TTC28: variants seen among roughly 807,000 people sequenced by gnomAD.
The protein encoded by TTC28 is tetratricopeptide repeat domain 28, also known as tetratricopeptide repeat protein 28.
Under a neutral mutation model 198.0 loss-of-function variants are expected in TTC28, and 61 were observed. That is an observed-to-expected ratio of 0.31 (90% CI 0.25 to 0.38). The LOEUF (loss-of-function observed/expected upper bound fraction) is 0.38. TTC28 is among the 10% of genes least tolerant of loss of function. The pLI, the probability that TTC28 is intolerant of heterozygous loss-of-function variation, is 1.00. For synonymous variants in TTC28, 1,171 were observed against 1,297.8 expected (o/e 0.90, Z 2.10); for missense variants, 2,678 against 3,164.0 (o/e 0.85, Z 3.69).
intron 5 of TTC28, among the ~76,000 whole-genome samples, chr22:28,167,927 A>G (rs1378717826): frequency 6.6e-6 from 1 of 152,218 alleles, no homozygotes; most frequent in African/African-American, 2.4e-5. Context: ...AAACCCCATC[A>G]TCTCAGCCTC....
intron 2 of TTC28, among the ~76,000 whole-genome samples, chr22:28,354,225 A>G (rs768867237): frequency 7.9e-5 from 12 of 152,208 alleles, no homozygotes; most frequent in Admixed American, 1.3e-4. Flanking sequence ...TAGTTATCCA[A>G]CAGTGTTCAT....
chr22:28,014,436 A>C, intron 13 of TTC28, 44 bp from the exon 14 acceptor site: 1 of 1,511,164 alleles, frequency 6.6e-7, no homozygotes, highest in Non-Finnish European at 8.9e-7. Context: ...CCACTCAGAC[A>C]GGCAAAGACT....
chr22:27,984,155 T>TC, intron 22 of TTC28, among the ~76,000 whole-genome samples: 1 of 152,128 alleles, frequency 6.6e-6, no homozygotes, highest in African/African-American at 2.4e-5. Context: ...GTATCCGCCT[T>TC]CCTCTGAGCA....
chr22:28,463,366 G>T (rs2047975359), intron 2 of TTC28, among the ~76,000 whole-genome samples: 1 of 152,056 alleles, frequency 6.6e-6, no homozygotes, highest in Non-Finnish European at 1.5e-5. Context: ...GATTCCTCAG[G>T]TATCTAGAGC....
intron 1 of TTC28, among the ~76,000 whole-genome samples, chr22:28,639,847 A>G (rs548524100): frequency 6.6e-6 from 1 of 152,328 alleles, no homozygotes; most frequent in African/African-American, 2.4e-5. Flanking sequence ...AACAAAATAG[A>G]TGATAAGAGA....
chr22:28,357,923 G>T (rs2046103300), intron 2 of TTC28, among the ~76,000 whole-genome samples: 1 of 152,158 alleles, frequency 6.6e-6, no homozygotes, highest in Admixed American at 6.5e-5. Context: ...CAAAATGCCA[G>T]ATAGATAGTA....
intron 17 of TTC28, chr22:27,994,669 C>T (rs900800363): frequency 6.6e-6 from 1 of 152,270 alleles, no homozygotes; most frequent in Non-Finnish European, 1.5e-5. Flanking sequence ...GGCTGGGGAA[C>T]TTGACCCATG....
chr22:28,186,860 C>T (rs527534372), intron 5 of TTC28, among the ~76,000 whole-genome samples: 1 of 152,212 alleles, frequency 6.6e-6, no homozygotes, highest in East Asian at 1.9e-4. Flanking sequence ...TGCCCCACTC[C>T]AGATGGGAGT....
intron 5 of TTC28, among the ~76,000 whole-genome samples, chr22:28,278,559 G>T (rs2044517196): frequency 6.6e-6 from 1 of 152,154 alleles, no homozygotes. Context: ...AAATGAGAGG[G>T]TTAGCCCTGG....
intron 16 of TTC28, among the ~76,000 whole-genome samples, chr22:27,996,762 C>T (rs569751716): frequency 3.3e-5 from 5 of 151,948 alleles, no homozygotes; most frequent in East Asian, 3.9e-4. Context: ...CACTCCCTTC[C>T]GAAACAGGGC....
At chr22:28,106,350 C>G (rs1942301884) in intron 7 of TTC28, among the ~76,000 whole-genome samples, 1 of 152,170 alleles carries the variant, frequency 6.6e-6, no homozygotes, top group Admixed American at 6.5e-5. Context: ...CCTTGACCAA[C>G]AGTGTGTCTT....
At chr22:28,428,801 G>T (rs1055784786) in intron 2 of TTC28, among the ~76,000 whole-genome samples, 1 of 151,702 alleles carries the variant, frequency 6.6e-6, no homozygotes, top group Non-Finnish European at 1.5e-5. Context: ...ACCACGCCCG[G>T]CTAATTTTTT....
intron 1 of TTC28, among the ~76,000 whole-genome samples, chr22:28,663,344 G>A (rs1260949361): frequency 2.1e-5 from 3 of 146,008 alleles, no homozygotes; most frequent in Non-Finnish European, 4.5e-5. Context: ...CAGCGTGAGC[G>A]ACACAGAAGA....
At chr22:28,520,352 C>T (rs2146424451) in intron 2 of TTC28, among the ~76,000 whole-genome samples, 1 of 152,262 alleles carries the variant, frequency 6.6e-6, no homozygotes, top group African/African-American at 2.4e-5. Flanking sequence ...AAAACTGTCC[C>T]CTCTTACAGT....
At chr22:28,170,167 CT>C (rs1321181522) in intron 5 of TTC28, among the ~76,000 whole-genome samples, 1 of 151,986 alleles carries the variant, frequency 6.6e-6, no homozygotes, top group African/African-American at 2.4e-5. Flanking sequence ...ACCTATTAAC[CT>C]CTGTCATATA....
chr22:28,020,478 A>G (rs1938546622), intron 13 of TTC28, among the ~76,000 whole-genome samples: 1 of 152,186 alleles, frequency 6.6e-6, no homozygotes, highest in Non-Finnish European at 1.5e-5. Context: ...CAAGGGGCAG[A>G]GGGGTCAGGG....
intron 2 of TTC28, among the ~76,000 whole-genome samples, chr22:28,404,623 T>C (rs2046972198): frequency 6.6e-6 from 1 of 152,190 alleles, no homozygotes; most frequent in South Asian, 2.1e-4. Flanking sequence ...TCATTCTTTC[T>C]ATCACCGCTT....
chr22:28,510,263 T>A (rs1025619238), intron 2 of TTC28, among the ~76,000 whole-genome samples: 3 of 151,946 alleles, frequency 2.0e-5, no homozygotes, highest in Admixed American at 2.0e-4. Context: ...AATGCAAAAA[T>A]CCTCAATAAA....
chr22:28,070,763 C>T (rs1940935301), intron 12 of TTC28, among the ~76,000 whole-genome samples: 2 of 152,164 alleles, frequency 1.3e-5, no homozygotes, highest in Non-Finnish European at 2.9e-5. Context: ...TCATCTTCAT[C>T]AAGAAAAGCT....
Sources: allele counts gnomAD v4.1 joint callset (sites outside exome capture counted in the v4.1 genomes callset), GRCh38; gene constraint gnomAD v4.1.1; transcripts MANE v1.5; gene names NCBI Gene and HGNC (gene_info 2026-07-23, HGNC 2026-07-21).